Variants in IQCK observed in about 807,000 individuals in gnomAD.
IQCK encodes IQ motif containing K, also known as IQ domain-containing protein K.
IQCK carries 29 observed loss-of-function variants against 28.1 expected under a neutral mutation model. The observed-to-expected ratio is 1.03, with a 90% CI of 0.77 to 1.41. The LOEUF (loss-of-function observed/expected upper bound fraction) is 1.41. Ranked by LOEUF, IQCK falls within the 40% of genes most tolerant of loss-of-function variation. The pLI is 0.00. For missense variants in IQCK, 359 were observed against 314.7 expected (o/e 1.14, Z -1.07); for synonymous variants, 113 against 115.1 (o/e 0.98, Z 0.12).
chr16:19,808,652 G>A (rs765946426), intron 7 of IQCK, among the ~76,000 whole-genome samples: 1 of 152,278 alleles, frequency 6.6e-6, no homozygotes, highest in African/African-American at 2.4e-5. Context: ...AATTTGCAGG[G>A]CCCAGAGGAA....
chr16:19,849,454 CTT>C (rs940500814), intron 9 of IQCK, among the ~76,000 whole-genome samples: 1 of 149,794 alleles, frequency 6.7e-6, no homozygotes, highest in Non-Finnish European at 1.5e-5. Flanking sequence ...AAAAAGTAAA[CTT>C]TTTTTTTTCT....
At chr16:19,771,732 G>A (rs2041106837) in intron 6 of IQCK, among the ~76,000 whole-genome samples, 1 of 152,168 alleles carries the variant, frequency 6.6e-6, no homozygotes, top group South Asian at 2.1e-4. Flanking sequence ...AAATGTGTAA[G>A]TATTCCTCTG....
chr16:19,747,498 T>G (rs2054927333), intron 4 of IQCK, among the ~76,000 whole-genome samples: 1 of 152,126 alleles, frequency 6.6e-6, no homozygotes, highest in African/African-American at 2.4e-5. Flanking sequence ...TTCCTTTTTT[T>G]TTTTTTTAAG....
chr16:19,820,947 G>A (rs1029644431), intron 7 of IQCK, among the ~76,000 whole-genome samples: 5 of 152,124 alleles, frequency 3.3e-5, no homozygotes, highest in Non-Finnish European at 5.9e-5. Context: ...ACAGACAGGC[G>A]ACAAGCACAT....
chr16:19,735,384 C>A (rs372948080), exon 4 of IQCK: 6 of 1,613,900 alleles, frequency 3.7e-6, no homozygotes, highest in Non-Finnish European at 5.1e-6. Flanking sequence ...AAACTTTCAT[C>A]TTTCCTGTTC....
chr16:19,830,375 GT>G (rs1409613096), downstream of IQCK, among the ~76,000 whole-genome samples: 1 of 152,214 alleles, frequency 6.6e-6, no homozygotes, highest in Non-Finnish European at 1.5e-5. Context: ...ATAGACTGGA[GT>G]TCATGCTTTT....
At chr16:19,744,744 C>A (rs563733421) in intron 4 of IQCK, among the ~76,000 whole-genome samples, 17 of 152,140 alleles carry the variant, frequency 1.1e-4, no homozygotes, top group Admixed American at 4.6e-4. Context: ...ACAAATAAAG[C>A]CAATGGCCTT....
intron 9 of IQCK, among the ~76,000 whole-genome samples, chr16:19,847,623 C>T (rs894499458): frequency 1.3e-5 from 2 of 152,110 alleles, no homozygotes; most frequent in Admixed American, 6.5e-5. Context: ...AACATTATGT[C>T]TGGGAGATGC....
intron 2 of IQCK, among the ~76,000 whole-genome samples, chr16:19,732,896 C>T (rs1977886182): frequency 6.6e-6 from 1 of 152,120 alleles, no homozygotes; most frequent in Admixed American, 6.5e-5. Flanking sequence ...CTGGTGTGAA[C>T]ACAGCTTTAT....
intron 3 of IQCK, among the ~76,000 whole-genome samples, chr16:19,734,442 AGACT>A (rs1469279947): frequency 2.8e-5 from 4 of 144,050 alleles, no homozygotes; most frequent in Non-Finnish European, 1.5e-5. Flanking sequence ...CCTGGGCAAC[AGACT>A]AAGACTCCAT....
In IQCK at chr16:19,735,352, G is replaced by A; in HGVS notation, c.377-1G>A. 6.2e-7 allele frequency: 1 copy of A among 1,611,188 alleles called. No individual in the cohort carries two copies. Among genetic ancestry groups the A allele is most frequent in the Non-Finnish European group, 8.5e-7 (1 of 1,177,348 alleles). ...GGGGAATTTTTGTTTGTTTGTTTTA[G>A]GTTCTCCCAAAGAATATTTGGAAAC... On this transcript the variant is annotated splice_acceptor_variant, in intron 3 of 7. Coordinates refer to ENST00000564186, the Ensembl canonical transcript of IQCK. LOFTEE classifies it high-confidence loss of function.
At chr16:19,737,320 C>T (rs907881620) in intron 4 of IQCK, among the ~76,000 whole-genome samples, 1 of 152,150 alleles carries the variant, frequency 6.6e-6, no homozygotes, top group Non-Finnish European at 1.5e-5. Flanking sequence ...TGCCTACTGC[C>T]GTGCTGGTAC....
chr16:19,807,689 C>G (rs1316892658), intron 7 of IQCK, among the ~76,000 whole-genome samples: 4 of 152,168 alleles, frequency 2.6e-5, no homozygotes, highest in African/African-American at 9.7e-5. Context: ...GGTTTTAATC[C>G]TGGCTTGCCA....
intron 1 of IQCK, among the ~76,000 whole-genome samples, chr16:19,720,292 G>C (rs935451927): frequency 4.6e-5 from 7 of 152,170 alleles, no homozygotes; most frequent in Non-Finnish European, 1.0e-4. Context: ...TTGGTGCTAT[G>C]ATCCAAGGAG....
At chr16:19,814,220 C>CAAAAAAAA (rs71146272) in intron 7 of IQCK, among the ~76,000 whole-genome samples, 1 of 19,436 alleles carries the variant, frequency 5.1e-5, no homozygotes, top group Non-Finnish European at 1.0e-4. Context: ...AACTCTATCT[C>CAAAAAAAA]AAAAAAAAAA....
chr16:19,783,565 G>A (rs1402140742), intron 6 of IQCK, among the ~76,000 whole-genome samples: 1 of 151,968 alleles, frequency 6.6e-6, no homozygotes, highest in Non-Finnish European at 1.5e-5. Flanking sequence ...ATTTTTATTT[G>A]ACCTTAAGCC....
intron 7 of IQCK, among the ~76,000 whole-genome samples, chr16:19,818,780 T>A (rs1567569348): frequency 6.6e-6 from 1 of 152,156 alleles, no homozygotes; most frequent in Non-Finnish European, 1.5e-5. Context: ...CTGAAAACAA[T>A]CAATCTTCTT....
chr16:19,832,176 A>G (rs1379252218), downstream of IQCK, among the ~76,000 whole-genome samples: 1 of 151,846 alleles, frequency 6.6e-6, no homozygotes, highest in Non-Finnish European at 1.5e-5. Flanking sequence ...ATGAGCAGGG[A>G]GAAAGAAACC....
intron 6 of IQCK, chr16:19,766,145 A>G (rs1262329476): frequency 6.6e-6 from 1 of 152,232 alleles, no homozygotes; most frequent in Non-Finnish European, 1.5e-5. Context: ...GATGCATGAT[A>G]AAAATTAAAG....
Sources: gnomAD v4.1 joint callset for allele counts (sites outside exome capture counted in the v4.1 genomes callset) on GRCh38, gnomAD v4.1.1 for gene constraint, MANE v1.5 for transcripts, NCBI Gene and HGNC (gene_info 2026-07-23, HGNC 2026-07-21) for gene names.